MYOT: variants seen among roughly 807,000 people sequenced by gnomAD.
MYOT encodes the protein myotilin.
MYOT carries 36 observed loss-of-function variants against 58.0 expected under a neutral mutation model. That is an observed-to-expected ratio of 0.62 (90% CI 0.48 to 0.82). MYOT has a LOEUF of 0.82. Among genes scored for constraint, MYOT ranks in the 40% least tolerant of loss-of-function variants. MYOT has a pLI of 0.00. For missense variants in MYOT, 505 were observed against 592.1 expected, an observed-to-expected ratio of 0.85 and a Z score of 1.53; for synonymous variants, 218 against 204.6, an observed-to-expected ratio of 1.07 and a Z score of -0.56.
intron 2 of MYOT, 143 bp downstream of exon 2, chr5:137,871,150 C>G: frequency 1.3e-6 from 1 of 757,890 alleles, no homozygotes; most frequent in Non-Finnish European, 2.2e-6. Context: ...TTCCATAGTT[C>G]TACTAGAACA....
intron 4 of MYOT, among the ~76,000 whole-genome samples, chr5:137,878,322 A>ATT (rs1407842554): frequency 2.0e-5 from 3 of 151,008 alleles, no homozygotes; most frequent in African/African-American, 7.3e-5. Flanking sequence ...GGTTCAAGTG[A>ATT]TTCTCCTGCC....
At chr5:137,880,650 T>C in intron 4 of MYOT, 166 bp from the exon 5 acceptor site, 1 of 607,910 alleles carries the variant, frequency 1.6e-6, no homozygotes. Context: ...TGGTAGTATG[T>C]TAGTGCACTG....
At chr5:137,883,615 A>G in intron 7 of MYOT, 24 bp downstream of exon 7, 2 of 1,598,726 alleles carry the variant, frequency 1.3e-6, no homozygotes, top group African/African-American at 2.7e-5. Flanking sequence ...GAGACCCTTG[A>G]GAATTCCTTA....
chr5:137,885,420 T>G (rs960400250), intron 7 of MYOT, among the ~76,000 whole-genome samples: 3 of 152,050 alleles, frequency 2.0e-5, no homozygotes, highest in Non-Finnish European at 4.4e-5. Context: ...ACCCAAGCTG[T>G]CTGATACTCT....
rs141801816 is a variant in MYOT at position 137,887,252 on chromosome 5, G to C, written c.1364G>C (p.Arg455Pro). 3.1e-6 allele frequency: 5 copies of C among 1,613,914 alleles called. No homozygotes were observed. Among genetic ancestry groups the C allele is most frequent in the South Asian group, 1.1e-5 (1 of 91,070 alleles). Residue 455 changes from arginine to proline, a missense_variant, in exon 10 of 10, where the codon CGG becomes CCG. Physicochemically the swap from Arg to Pro is moderately radical, Grantham distance 103. Transcript: ENST00000239926. ...NQTLPAPKQL[R>P]VRPTFSKYLA... Reference sequence around the variant, plus strand: ...ACTCTTCCAGCTCCTAAGCAGTTACGGGTTCGACCAACATTCAGCAAATAT... The same window carrying C: ...ACTCTTCCAGCTCCTAAGCAGTTACCGGTTCGACCAACATTCAGCAAATAT...
intron 5 of MYOT, 75 bp from the exon 6 acceptor site, chr5:137,881,898 G>T: frequency 6.5e-7 from 1 of 1,544,896 alleles, no homozygotes; most frequent in Non-Finnish European, 8.9e-7. Flanking sequence ...AAAAATTGAT[G>T]GCTAAACTAT....
At chr5:137,881,881 G>GA (rs1392153752) in intron 5 of MYOT, 92 bp from the exon 6 acceptor site, 32,613 of 1,097,092 alleles carry the variant, frequency 0.03, 7 homozygotes, top group East Asian at 0.04. Context: ...AAACTCCATT[G>GA]AAAAAAAAAA....
chr5:137,874,143 G>A (rs978407281), intron 2 of MYOT, among the ~76,000 whole-genome samples: 2 of 152,194 alleles, frequency 1.3e-5, no homozygotes, highest in Non-Finnish European at 2.9e-5. Context: ...GCAGTGGCTA[G>A]TTTCCTCACA....
chr5:137,880,931 T>C, intron 5 of MYOT, 66 bp downstream of exon 5: 1 of 1,128,460 alleles, frequency 8.9e-7, no homozygotes, highest in Non-Finnish European at 1.3e-6. Flanking sequence ...CTTAAAAATG[T>C]AATATTTATA....
chr5:137,884,353 A>T (rs1418210142), intron 7 of MYOT, among the ~76,000 whole-genome samples: 3 of 152,138 alleles, frequency 2.0e-5, no homozygotes, highest in African/African-American at 7.2e-5. Flanking sequence ...GACCTTGTTT[A>T]AAAAAATTTC....
chr5:137,881,095 T>C (rs1441327736), intron 5 of MYOT, among the ~76,000 whole-genome samples: 2 of 152,204 alleles, frequency 1.3e-5, no homozygotes, highest in Admixed American at 6.5e-5. Flanking sequence ...TGCTTCTATA[T>C]TAAACAATTT....
chr5:137,887,460 C>A lies in MYOT; in HGVS notation c.*75C>A, dbSNP rs1473470651. The A allele has an allele frequency of 2.2e-6, 3 of 1,382,912 alleles. No individual in the cohort carries two copies. The East Asian group carries it at 7.2e-5, about 33-fold the overall frequency. 85.7% of individuals were successfully genotyped at this position (1,382,912 alleles called of 1,614,324 possible). ...TTGATTACATTTTTTTGAAATTAAT[C>A]CATAGCTGTATTAACAGATTATGGT... On this transcript the variant is annotated 3_prime_UTR_variant, in exon 10 of 10. Transcript: ENST00000239926.
chr5:137,884,322 C>A (rs1213262224), intron 7 of MYOT, among the ~76,000 whole-genome samples: 1 of 152,180 alleles, frequency 6.6e-6, no homozygotes, highest in Non-Finnish European at 1.5e-5. Flanking sequence ...CCACTGTACT[C>A]CGGCCTGGGT....
At chr5:137,880,693 A>C in intron 4 of MYOT, 123 bp from the exon 5 acceptor site, 1 of 784,152 alleles carries the variant, frequency 1.3e-6, no homozygotes, top group South Asian at 1.5e-5. Context: ...AATATATAGA[A>C]CTTACCAGGG....
chr5:137,868,873 C>T (rs1409049507), intron 1 of MYOT, among the ~76,000 whole-genome samples: 1 of 152,070 alleles, frequency 6.6e-6, no homozygotes, highest in Non-Finnish European at 1.5e-5. Context: ...ATTTAAATGC[C>T]TAAAGTAGTT....
intron 2 of MYOT, among the ~76,000 whole-genome samples, chr5:137,872,225 T>C (rs1467643842): frequency 1.3e-5 from 2 of 152,202 alleles, no homozygotes; most frequent in Admixed American, 6.5e-5. Flanking sequence ...TTTAAAAGGA[T>C]GTTTTTAATA....
Position 137,885,287 on chromosome 5 carries a change from T to C in MYOT, c.1025-761T>C, listed in dbSNP as rs555017084. On this transcript the variant is annotated intron_variant, in intron 7 of 9. Transcript: ENST00000239926. ...TGTTCCTTACAATTATTTTGTGTGG[T>C]AGACACAACAGTCACTACTACCGGG... 1.8e-3 allele frequency among the ~76,000 whole-genome samples: 272 copies of C among 152,320 alleles called. 2 individuals are homozygous for C. Among genetic ancestry groups the C allele is most frequent in the African/African-American group, 6.1e-3 (254 of 41,568 alleles).
intron 4 of MYOT, 74 bp from the exon 5 acceptor site, chr5:137,880,742 C>T: frequency 8.2e-7 from 1 of 1,223,038 alleles, no homozygotes; most frequent in Non-Finnish European, 1.2e-6. Flanking sequence ...TTCCTTTCAA[C>T]TGTAACTACT....
chr5:137,885,987 GTTTGA>G (rs1223557722), intron 7 of MYOT, 56 bp from the exon 8 acceptor site: 51 of 1,168,548 alleles, frequency 4.4e-5, no homozygotes, highest in Admixed American at 2.1e-5. Context: ...TAATACCTTG[GTTTGA>G]TTTAATACCT....
Sources: gnomAD v4.1 joint callset for allele counts (sites outside exome capture counted in the v4.1 genomes callset) on GRCh38, gnomAD v4.1.1 for gene constraint, MANE v1.5 for transcripts, NCBI Gene and HGNC (gene_info 2026-07-23, HGNC 2026-07-21) for gene names.